Variants in RBFOX1 observed in about 807,000 individuals in gnomAD.
The protein encoded by RBFOX1 is RNA binding fox-1 homolog 1.
A neutral mutation model predicts 57.7 loss-of-function variants in RBFOX1; 8 were observed. The observed-to-expected ratio is 0.14, with a 90% CI of 0.08 to 0.25. RBFOX1 has a LOEUF of 0.25. Among genes scored for constraint, RBFOX1 ranks in the 10% least tolerant of loss-of-function variants. The pLI, the probability that RBFOX1 is intolerant of heterozygous loss-of-function variation, is 1.00. For missense variants in RBFOX1, 611 were observed against 548.5 expected, an observed-to-expected ratio of 1.11 and a Z score of -1.14; for synonymous variants, 326 against 222.4, an observed-to-expected ratio of 1.47 and a Z score of -4.15.
intron 2 of RBFOX1, among the ~76,000 whole-genome samples, chr16:6,397,040 A>G (rs2092867447): frequency 6.6e-6 from 1 of 152,192 alleles, no homozygotes; most frequent in Admixed American, 6.5e-5. Context: ...TTGATTATTA[A>G]CAGAAGACTA....
chr16:7,554,147 G>A (rs753062389), intron 5 of RBFOX1, among the ~76,000 whole-genome samples: 43 of 152,164 alleles, frequency 2.8e-4, no homozygotes, highest in Admixed American at 2.6e-4. Context: ...TTCTCTCAGA[G>A]CCCAAAGCTT....
intron 4 of RBFOX1, among the ~76,000 whole-genome samples, chr16:7,383,526 T>G (rs1305992496): frequency 1.3e-5 from 2 of 152,122 alleles, no homozygotes; most frequent in Non-Finnish European, 2.9e-5. Context: ...TCTTTTGAGT[T>G]CCCAGTGAAC....
At chr16:7,583,697 G>A (rs911872356) in intron 6 of RBFOX1, among the ~76,000 whole-genome samples, 2 of 152,048 alleles carry the variant, frequency 1.3e-5, no homozygotes, top group African/African-American at 2.4e-5. Context: ...GACCCTCTTG[G>A]CCAGGCATGA....
intron 1 of RBFOX1, among the ~76,000 whole-genome samples, chr16:5,325,762 G>T (rs762440545): frequency 1.3e-5 from 2 of 152,198 alleles, no homozygotes; most frequent in Non-Finnish European, 1.5e-5. Context: ...TGTACCAATA[G>T]TTAGTCCCTT....
At chr16:6,373,321 G>A (rs1426517890) in intron 2 of RBFOX1, among the ~76,000 whole-genome samples, 1 of 151,842 alleles carries the variant, frequency 6.6e-6, no homozygotes, top group Non-Finnish European at 1.5e-5. Flanking sequence ...TTGTGTAGGA[G>A]GATGGTTGGG....
rs1221297828 is a variant in RBFOX1, at chr16:5,983,623, GA to G, written c.351+116291del. Among the ~76,000 whole-genome samples the G allele has an allele frequency of 2.6e-5, 4 of 152,120 alleles. No homozygotes were observed. In the East Asian group the frequency reaches 7.7e-4, roughly 29 times the overall value. Reference sequence around the variant, plus strand: ...TCAGGAAGCGTGGTCCTTGTTTTTTGAAACCAACTTCATTTCTGACTCTCGT... The same window carrying G: ...TCAGGAAGCGTGGTCCTTGTTTTTTGAACCAACTTCATTTCTGACTCTCGT... On this transcript the variant is annotated intron_variant, in intron 4 of 19. Coordinates refer to the RBFOX1 transcript ENST00000641259.
chr16:7,105,029 T>G (rs542297972), intron 4 of RBFOX1, among the ~76,000 whole-genome samples: 1 of 151,950 alleles, frequency 6.6e-6, no homozygotes, highest in African/African-American at 2.4e-5. Flanking sequence ...GAAAAGCCCT[T>G]CTTGGCACCT....
intron 3 of RBFOX1, among the ~76,000 whole-genome samples, chr16:6,758,109 A>C (rs2076082544): frequency 6.6e-6 from 1 of 152,128 alleles, no homozygotes; most frequent in Admixed American, 6.6e-5. Flanking sequence ...AAATGGTCCA[A>C]GTCAGTAAAT....
chr16:7,570,030 T>C (rs975681139), intron 5 of RBFOX1, among the ~76,000 whole-genome samples: 1 of 152,162 alleles, frequency 6.6e-6, no homozygotes. Flanking sequence ...AGTTTCCATA[T>C]GGAGATGTGT....
intron 3 of RBFOX1, among the ~76,000 whole-genome samples, chr16:7,043,016 A>G (rs1042809754): frequency 6.6e-6 from 1 of 152,084 alleles, no homozygotes; most frequent in African/African-American, 2.4e-5. Context: ...TTGCAATCCC[A>G]AAGTTCCTTC....
intron 2 of RBFOX1, among the ~76,000 whole-genome samples, chr16:6,432,208 G>A (rs2094119996): frequency 6.6e-6 from 1 of 152,020 alleles, no homozygotes; most frequent in Admixed American, 6.6e-5. Context: ...ACTTTAAGCA[G>A]TCCTCCCACC....
chr16:7,449,143 G>T (rs1281352378), intron 4 of RBFOX1, among the ~76,000 whole-genome samples: 1 of 151,924 alleles, frequency 6.6e-6, no homozygotes, highest in Non-Finnish European at 1.5e-5. Context: ...TGGTCAGGCT[G>T]GTCTCGAACT....
rs113627353 is a variant in RBFOX1 at position 6,058,933 on chromosome 16, A to G, written c.-127+38941A>G. On this transcript the variant is annotated intron_variant, in intron 1 of 15. Coordinates refer to ENST00000550418, the MANE Select transcript of RBFOX1 (RefSeq NM_018723.4). The stretch of plus-strand genomic sequence containing the variant: ...CAGCACCATTTTGCAGAGTTGCTTC[A>G]CTCTAGCTTTCTTTTCTGTGAATCT... Among the ~76,000 whole-genome samples the G allele has an allele frequency of 3.3e-5, 5 of 152,236 alleles. 1 individual carries two copies. The highest frequency in any genetic ancestry group is 1.2e-4 in the African/African-American group (5 of 41,536).
chr16:6,216,325 C>T (rs746381500), intron 1 of RBFOX1, among the ~76,000 whole-genome samples: 5 of 152,064 alleles, frequency 3.3e-5, no homozygotes, highest in Non-Finnish European at 7.4e-5. Flanking sequence ...ATCTACTAGA[C>T]AGAGGTGATT....
chr16:6,794,869 A>G (rs779517566), intron 3 of RBFOX1, among the ~76,000 whole-genome samples: 3 of 152,066 alleles, frequency 2.0e-5, no homozygotes, highest in Non-Finnish European at 2.9e-5. Context: ...TTTTCCCCCT[A>G]TGAAAAAAAT....
chr16:5,462,104 G>T (rs893419487), intron 1 of RBFOX1, among the ~76,000 whole-genome samples: 1 of 151,560 alleles, frequency 6.6e-6, no homozygotes, highest in African/African-American at 2.4e-5. Context: ...AAGGTGGAAC[G>T]CTGTGCTTGC....
chr16:5,283,778 C>G (rs1411023237), intron 1 of RBFOX1, among the ~76,000 whole-genome samples: 1 of 152,154 alleles, frequency 6.6e-6, no homozygotes, highest in Non-Finnish European at 1.5e-5. Flanking sequence ...TTTACATGCT[C>G]ATAGGCGGAA....
At chr16:7,415,223 G>A (rs1201949447) in intron 4 of RBFOX1, among the ~76,000 whole-genome samples, 1 of 152,210 alleles carries the variant, frequency 6.6e-6, no homozygotes, top group Non-Finnish European at 1.5e-5. Flanking sequence ...CAGGAACTGA[G>A]TGTCTGGGGT....
chr16:5,548,168 A>ATATATATATATATATATAT (rs1256241961), intron 2 of RBFOX1, among the ~76,000 whole-genome samples: 9 of 57,132 alleles, frequency 1.6e-4, no homozygotes, highest in South Asian at 5.1e-4. Flanking sequence ...TAAAAAAAAA[A>ATATATATATATATATATAT]AAAAAAATAT....
Sources: gnomAD v4.1 joint callset for allele counts (sites outside exome capture counted in the v4.1 genomes callset) on GRCh38, gnomAD v4.1.1 for gene constraint, MANE v1.5 for transcripts, NCBI Gene and HGNC (gene_info 2026-07-23, HGNC 2026-07-21) for gene names.